UTP15: variants seen among roughly 807,000 people sequenced by gnomAD.
The protein encoded by UTP15 is UTP15 small subunit processome component.
UTP15 carries 5 observed loss-of-function variants against 59.1 expected under a neutral mutation model. The ratio of observed to expected loss-of-function variants is 0.08; its 90% CI spans 0.04 to 0.18. The LOEUF (loss-of-function observed/expected upper bound fraction) is 0.18, where lower values mean the gene tolerates loss of function less well. UTP15 is among the 10% of genes least tolerant of loss of function. The probability of loss-of-function intolerance (pLI) is 1.00; values close to 1 mark genes in which losing one functional copy is unlikely to be tolerated. For synonymous variants in UTP15, 211 were observed against 212.2 expected (o/e 0.99, Z 0.05); for missense variants, 494 against 616.7 (o/e 0.80, Z 2.11).
intron 5 of UTP15, among the ~76,000 whole-genome samples, chr5:73,570,265 A>G (rs1747893976): frequency 6.6e-6 from 1 of 152,240 alleles, no homozygotes; most frequent in Non-Finnish European, 1.5e-5. Flanking sequence ...CCCTGCCTCA[A>G]GCAGCCAAGA....
rs114910959 is a variant in UTP15 at position 73,579,334 on chromosome 5, G to A, written c.1298G>A (p.Arg433Lys). 669 of 1,610,230 alleles carry A rather than the reference G, an allele frequency of 4.2e-4. 1 individual carries two copies. In the African/African-American group the frequency reaches 6.2e-3, roughly 15 times the overall value. Reference protein sequence around the residue: ...NFLIRNLSQPRFAPVLINAAE... With the variant: ...NFLIRNLSQPKFAPVLINAAE... ...CTTTGTAGGAATCTTTCTCAGCCAA[G>A]ATTTGCCCCTGTTTTAATCAATGCT... The change falls in exon 12 of 13, where the codon AGA (arginine) becomes AAA (lysine). Residue 433 changes from arginine (R) to lysine (K), a missense_variant. Coordinates refer to ENST00000296792, the MANE Select transcript of UTP15 (RefSeq NM_032175.4).
In UTP15 at chr5:73,579,781, T is replaced by A; in HGVS notation, c.1340-96T>A. 6.1e-6 allele frequency: 4 copies of A among 659,252 alleles called. No individual in the cohort carries two copies. In the South Asian group the frequency reaches 1.1e-4, roughly 17 times the overall value. 40.8% of individuals were successfully genotyped at this position (659,252 alleles called of 1,614,324 possible). A position where few individuals can be genotyped will look rare whatever the true frequency, so the allele number is the denominator to read the frequency against. ...ATAAGTACAGATTTTTCAGTGTTCTTATGTTTAATATTTTTATACTTTTAA... is the reference window on the plus strand; with the variant it reads ...ATAAGTACAGATTTTTCAGTGTTCTAATGTTTAATATTTTTATACTTTTAA... On this transcript the variant is annotated intron_variant, in intron 12 of 12. Transcript: ENST00000296792.
intron 9 of UTP15, chr5:73,578,283 C>T (rs1748161229): frequency 3.0e-6 from 1 of 336,410 alleles, no homozygotes; most frequent in South Asian, 3.6e-5. Context: ...GATCTAAATC[C>T]CAAGAAGTAG....
intron 12 of UTP15, 43 bp from the exon 13 acceptor site, chr5:73,579,834 G>T: frequency 1.4e-6 from 2 of 1,384,882 alleles, no homozygotes; most frequent in South Asian, 2.9e-5. Context: ...TTAATGTATG[G>T]AAAGATATTG....
chr5:73,573,823 C>T (rs1369765081), intron 7 of UTP15, among the ~76,000 whole-genome samples: 1 of 151,868 alleles, frequency 6.6e-6, no homozygotes, highest in African/African-American at 2.4e-5. Flanking sequence ...ATCCACTCAC[C>T]TTGGCCTCCC....
At chr5:73,570,742 T>A in intron 6 of UTP15, 31 bp downstream of exon 6, 2 of 1,605,764 alleles carry the variant, frequency 1.2e-6, no homozygotes, top group Non-Finnish European at 1.7e-6. Flanking sequence ...TCACCAATAT[T>A]GTTGGTTTTG....
chr5:73,566,650 G>A (rs944322021), intron 1 of UTP15, among the ~76,000 whole-genome samples: 3 of 152,336 alleles, frequency 2.0e-5, no homozygotes, highest in Non-Finnish European at 4.4e-5. Flanking sequence ...CTGGAAAAAT[G>A]TTTTGGCTTG....
At chr5:73,570,822 C>A in intron 6 of UTP15, 111 bp downstream of exon 6, 1 of 1,451,888 alleles carries the variant, frequency 6.9e-7, no homozygotes, top group Non-Finnish European at 9.4e-7. Context: ...ATATCTAAGT[C>A]TTTGTTCAAA....
chr5:73,576,553 C>T (rs1183265777), intron 7 of UTP15, among the ~76,000 whole-genome samples: 1 of 151,818 alleles, frequency 6.6e-6, no homozygotes, highest in Non-Finnish European at 1.5e-5. Flanking sequence ...TGGCTCACTG[C>T]AGCCTCCACC....
rs1199127280 is a variant in UTP15 at position 73,581,913 on chromosome 5, G to T, written c.*1819G>T. ...GAACTTAGTCAAGATCAGAAGCTGG[G>T]TTTTGGGGTTGAGAAGAGTTCATTT... On this transcript the variant is annotated 3_prime_UTR_variant, in exon 13 of 13. Coordinates refer to ENST00000296792, the MANE Select transcript of UTP15 (RefSeq NM_032175.4). 6.6e-6 allele frequency: 1 copy of T among 152,076 alleles called. No individual in the cohort carries two copies. The highest frequency in any genetic ancestry group is 1.5e-5 in the Non-Finnish European group (1 of 68,016). 9.4% of individuals were successfully genotyped at this position (152,076 alleles called of 1,614,324 possible). A position where few individuals can be genotyped will look rare whatever the true frequency, so the allele number is the denominator to read the frequency against.
intron 2 of UTP15, among the ~76,000 whole-genome samples, chr5:73,567,966 T>A (rs1394994367): frequency 1.3e-5 from 2 of 151,932 alleles, no homozygotes; most frequent in East Asian, 3.9e-4. Flanking sequence ...CATGATAACT[T>A]TTTTTTTCTG....
At chr5:73,570,311 TACAAAGATTTCCAGATG>T (rs1392349713) in intron 5 of UTP15, among the ~76,000 whole-genome samples, 1 of 152,232 alleles carries the variant, frequency 6.6e-6, no homozygotes, top group Non-Finnish European at 1.5e-5. Context: ...TGGGTGCCTT[TACAAAGATTTCCAGATG>T]ATTCAGTAGT....
chr5:73,574,759 T>A (rs865902557), intron 7 of UTP15, among the ~76,000 whole-genome samples: 2 of 152,350 alleles, frequency 1.3e-5, no homozygotes, highest in East Asian at 3.9e-4. Flanking sequence ...AGTGCTGGAT[T>A]ACTGGCGTGA....
chr5:73,570,573 A>G lies in UTP15; in HGVS notation c.548-13A>G. The G allele has an allele frequency of 6.2e-7, 1 of 1,611,558 alleles. No homozygotes were observed. The highest frequency in any genetic ancestry group is 1.1e-5 in the South Asian group (1 of 90,430). ...AAACAGTCAAACTAAAAATTCAAAA[A>G]TTGACATTTTAGGATCATATGATCA... On this transcript the variant is annotated splice_polypyrimidine_tract_variant and intron_variant, in intron 5 of 12. Coordinates refer to ENST00000296792, the MANE Select transcript of UTP15 (RefSeq NM_032175.4).
In UTP15 at chr5:73,568,519, C is replaced by T; in HGVS notation, c.283C>T (p.Leu95Phe). The T allele has an allele frequency of 1.2e-6, 2 of 1,614,068 alleles. No homozygotes were observed. Among genetic ancestry groups the T allele is most frequent in the Non-Finnish European group, 1.7e-6 (2 of 1,179,970 alleles). Residue 95 changes from leucine to phenylalanine, a missense_variant, in exon 4 of 13, where the codon CTT (leucine) becomes TTT (phenylalanine). Transcript: ENST00000296792. ...TACTTTTCGACAAGATGGTAGATTG[C>T]TTGTGGCTGGCAGTGAAGATGGTGG... ...CATFRQDGRLLVAGSEDGGVQ... is the reference protein window; with the variant it reads ...CATFRQDGRLFVAGSEDGGVQ...
intron 7 of UTP15, among the ~76,000 whole-genome samples, chr5:73,575,436 A>G (rs1748060637): frequency 6.6e-6 from 1 of 152,250 alleles, no homozygotes; most frequent in African/African-American, 2.4e-5. Flanking sequence ...GAAGGCTGCT[A>G]AACATCCTAC....
intron 7 of UTP15, among the ~76,000 whole-genome samples, chr5:73,575,213 C>T (rs1748055211): frequency 1.3e-5 from 2 of 152,264 alleles, no homozygotes; most frequent in African/African-American, 4.8e-5. Flanking sequence ...AAATACATGG[C>T]AAGTTTACAC....
intron 9 of UTP15, 115 bp downstream of exon 9, chr5:73,578,120 C>G: frequency 9.2e-7 from 1 of 1,088,988 alleles, no homozygotes; most frequent in Non-Finnish European, 1.3e-6. Context: ...TTGCTTTTCT[C>G]TACATCAGAA....
intron 7 of UTP15, among the ~76,000 whole-genome samples, chr5:73,575,617 G>A (rs142001300): frequency 2.1e-3 from 310 of 149,292 alleles, no homozygotes; most frequent in Middle Eastern, 3.5e-3. Flanking sequence ...GGCTGGTCTT[G>A]AACTCCTGGG....
Sources: gnomAD v4.1 joint callset for allele counts (sites outside exome capture counted in the v4.1 genomes callset) on GRCh38, gnomAD v4.1.1 for gene constraint, MANE v1.5 for transcripts, NCBI Gene and HGNC (gene_info 2026-07-23, HGNC 2026-07-21) for gene names.